RNF13: variants seen among roughly 807,000 people sequenced by gnomAD.
RNF13 encodes E3 ubiquitin-protein ligase RNF13.
In RNF13, 19 loss-of-function variants were observed where a neutral mutation model predicts 37.7. The observed-to-expected ratio is 0.50, with a 90% CI of 0.35 to 0.74. The LOEUF (loss-of-function observed/expected upper bound fraction) is 0.74, where lower values mean the gene tolerates loss of function less well. Ranked by LOEUF, RNF13 falls within the 30% of genes least tolerant of loss-of-function variation. The probability of loss-of-function intolerance (pLI) is 0.01; values close to 1 mark genes in which losing one functional copy is unlikely to be tolerated. For synonymous variants in RNF13, 144 were observed against 157.8 expected (o/e 0.91, Z 0.65); for missense variants, 375 against 453.0 (o/e 0.83, Z 1.56).
intron 8 of RNF13, among the ~76,000 whole-genome samples, chr3:149,948,238 C>G (rs1224531288): frequency 6.6e-6 from 1 of 152,066 alleles, no homozygotes; most frequent in Non-Finnish European, 1.5e-5. Context: ...TGTGAGCCAC[C>G]GTGCCTGGTC....
chr3:149,878,489 T>C (rs927032356), intron 4 of RNF13, among the ~76,000 whole-genome samples: 3 of 152,190 alleles, frequency 2.0e-5, no homozygotes, highest in African/African-American at 7.2e-5. Flanking sequence ...GAATGTAATA[T>C]TGGCAGGATT....
rs181136431 is a variant in RNF13, at chr3:149,909,759, A to T, written c.501-2219A>T. ...CCTGGGAAATTCTGAAATTGATTCC[A>T]TTTCTGCCGTTACAAACACACACGA... On this transcript the variant is annotated intron_variant, in intron 6 of 9. Coordinates refer to ENST00000392894, the MANE Select transcript of RNF13 (RefSeq NM_183381.3). 2.7e-3 allele frequency among the ~76,000 whole-genome samples: 413 copies of T among 152,166 alleles called. 1 individual carries two copies. The highest frequency in any genetic ancestry group is 4.4e-3 in the Non-Finnish European group (301 of 67,978).
chr3:149,841,715 G>C (rs1201307887), intron 1 of RNF13, among the ~76,000 whole-genome samples: 1 of 152,132 alleles, frequency 6.6e-6, no homozygotes, highest in Non-Finnish European at 1.5e-5. Flanking sequence ...TGCCTCCCGG[G>C]TTCAAGTGAT....
intron 8 of RNF13, among the ~76,000 whole-genome samples, chr3:149,956,210 C>T (rs148871616): frequency 8.4e-4 from 128 of 152,184 alleles, no homozygotes; most frequent in African/African-American, 2.9e-3. Flanking sequence ...AAAGATCACT[C>T]TAGGTGCTAA....
intron 2 of RNF13, among the ~76,000 whole-genome samples, chr3:149,848,860 T>C (rs1189829970): frequency 6.6e-6 from 1 of 152,134 alleles, no homozygotes; most frequent in Non-Finnish European, 1.5e-5. Flanking sequence ...TATAGCTGAC[T>C]AGACTAGCTG....
At chr3:149,951,627 G>A (rs1186367197) in intron 8 of RNF13, among the ~76,000 whole-genome samples, 1 of 152,088 alleles carries the variant, frequency 6.6e-6, no homozygotes, top group African/African-American at 2.4e-5. Flanking sequence ...TGTACCAAAT[G>A]GGTTATTTAG....
chr3:149,862,972 A>G (rs1724421693), intron 3 of RNF13, among the ~76,000 whole-genome samples: 1 of 152,244 alleles, frequency 6.6e-6, no homozygotes, highest in Admixed American at 6.5e-5. Context: ...CATGAAATAA[A>G]TGAATGAGTA....
At chr3:149,903,765 TG>T (rs1256098052) in intron 6 of RNF13, among the ~76,000 whole-genome samples, 2 of 152,196 alleles carry the variant, frequency 1.3e-5, no homozygotes, top group African/African-American at 4.8e-5. Flanking sequence ...AACAAATTAA[TG>T]TATCTGCAAT....
chr3:149,823,961 T>C (rs1246118852), intron 1 of RNF13, among the ~76,000 whole-genome samples: 1 of 152,130 alleles, frequency 6.6e-6, no homozygotes, highest in Non-Finnish European at 1.5e-5. Flanking sequence ...TTTAAAGAAA[T>C]GGCTGATTTC....
At chr3:149,939,653 A>T in intron 8 of RNF13, 1 of 676,034 alleles carries the variant, frequency 1.5e-6, no homozygotes, top group Non-Finnish European at 2.7e-6. Flanking sequence ...CCAGTCCCTG[A>T]AATCACCGTT....
chr3:149,821,725 A>G (rs1300321608), intron 1 of RNF13, among the ~76,000 whole-genome samples: 1 of 152,026 alleles, frequency 6.6e-6, no homozygotes, highest in Admixed American at 6.6e-5. Context: ...TCAAGAATCC[A>G]TTTCCAAATC....
Position 149,946,296 on chromosome 3 carries a change from C to T in RNF13, c.701-13760C>T, listed in dbSNP as rs544198154. Among the ~76,000 whole-genome samples, 22 of 152,308 alleles carry T rather than the reference C, an allele frequency of 1.4e-4. No homozygotes were observed. In the South Asian group the frequency reaches 4.1e-3, roughly 29 times the overall value. On this transcript the variant is annotated intron_variant, in intron 8 of 9. Transcript: ENST00000392894. Reference sequence around the variant, plus strand: ...CACAAGCTTCAGTAGCCAATTCAATCAACTGGAAGAAAGGGTATCAGTGAT... The same window carrying T: ...CACAAGCTTCAGTAGCCAATTCAATTAACTGGAAGAAAGGGTATCAGTGAT...
intron 8 of RNF13, among the ~76,000 whole-genome samples, chr3:149,929,346 T>C (rs760251442): frequency 1.7e-4 from 26 of 151,946 alleles, no homozygotes; most frequent in African/African-American, 5.1e-4. Flanking sequence ...ATCATGACAA[T>C]AGCGTGGGGG....
Position 149,889,830 on chromosome 3 carries a change from T to G in RNF13, c.322-5643T>G, listed in dbSNP as rs1039020980. Among the ~76,000 whole-genome samples, 4 of 152,036 alleles carry G rather than the reference T, an allele frequency of 2.6e-5. No individual in the cohort carries two copies. In the East Asian group the frequency reaches 7.8e-4, roughly 30 times the overall value. On this transcript the variant is annotated intron_variant, in intron 4 of 9. Coordinates refer to ENST00000392894, the MANE Select transcript of RNF13 (RefSeq NM_183381.3). ...CCACTGTGCCCAGCTGATTTTTGTA[T>G]TTTTAGTAGAGATGGGATTTCACCA...
At chr3:149,862,622 A>T (rs1724374884) in intron 3 of RNF13, among the ~76,000 whole-genome samples, 1 of 152,192 alleles carries the variant, frequency 6.6e-6, no homozygotes, top group Non-Finnish European at 1.5e-5. Context: ...AATTCATTTT[A>T]ACTGTTGCAT....
At chr3:149,879,003 A>G (rs192128530) in intron 4 of RNF13, among the ~76,000 whole-genome samples, 1 of 152,306 alleles carries the variant, frequency 6.6e-6, no homozygotes, top group East Asian at 1.9e-4. Flanking sequence ...CATTAAAGTG[A>G]AGGTCTAGTT....
At chr3:149,825,950 C>T (rs1364124492) in intron 1 of RNF13, among the ~76,000 whole-genome samples, 2 of 152,200 alleles carry the variant, frequency 1.3e-5, no homozygotes, top group African/African-American at 4.8e-5. Flanking sequence ...CTGCCCCTCC[C>T]TACCCCTCTT....
At chr3:149,908,118 T>C (rs1415681596) in intron 6 of RNF13, among the ~76,000 whole-genome samples, 5 of 152,226 alleles carry the variant, frequency 3.3e-5, no homozygotes, top group Non-Finnish European at 7.3e-5. Context: ...CTGTTTGGTG[T>C]CCTTTGTCAA....
At position 149,935,202 on chromosome 3, in the gene RNF13, CTTTT is replaced by C. The variant is rs986939461; in HGVS notation, c.700+13978_700+13981del. On this transcript the variant is annotated intron_variant, in intron 8 of 9. Transcript: ENST00000392894. The stretch of plus-strand genomic sequence containing the variant: ...TGATATAAATATAGCTATTCTTGCT[CTTTT>C]TTGTTTTCCAATTGCATGGAATATC... Among the ~76,000 whole-genome samples the C allele has an allele frequency of 3.3e-5, 5 of 152,162 alleles. No individual in the cohort carries two copies. The East Asian group carries it at 7.7e-4, about 24-fold the overall frequency.
Sources: gnomAD v4.1 joint callset for allele counts (sites outside exome capture counted in the v4.1 genomes callset) on GRCh38, gnomAD v4.1.1 for gene constraint, MANE v1.5 for transcripts, NCBI Gene and HGNC (gene_info 2026-07-23, HGNC 2026-07-21) for gene names.